The following PCDHA12 variants were observed in gnomAD, a reference collection of about 807,000 sequenced individuals.
PCDHA12 encodes protocadherin alpha-12.
Under a neutral mutation model 60.0 loss-of-function variants are expected in PCDHA12, and 44 were observed. The observed-to-expected ratio is 0.73, with a 90% CI of 0.58 to 0.94. PCDHA12 has a LOEUF of 0.94. Among genes scored for constraint, PCDHA12 ranks in the 40% least tolerant of loss-of-function variants. The probability of loss-of-function intolerance (pLI) is 0.00; values close to 1 mark genes in which losing one functional copy is unlikely to be tolerated. For missense variants in PCDHA12, 1,276 were observed against 1,239.7 expected (o/e 1.03, Z -0.44); for synonymous variants, 569 against 553.0 (o/e 1.03, Z -0.40).
At chr5:140,999,051 C>T (rs972072595) in intron 3 of PCDHA12, among the ~76,000 whole-genome samples, 6 of 152,196 alleles carry the variant, frequency 3.9e-5, no homozygotes, top group African/African-American at 9.7e-5. Flanking sequence ...TGCTTTCCAC[C>T]ATGCCTAAGT....
At position 140,959,344 on chromosome 5, in the gene PCDHA12, C is replaced by T. The variant is rs541663379; in HGVS notation, c.2368-19605C>T. Among the ~76,000 whole-genome samples the T allele has an allele frequency of 2.0e-4, 30 of 152,112 alleles. No individual in the cohort carries two copies. The South Asian group carries it at 6.0e-3, about 31-fold the overall frequency. On this transcript the variant is annotated intron_variant, in intron 1 of 3. Coordinates refer to ENST00000398631, the MANE Select transcript of PCDHA12 (RefSeq NM_018903.4). Reference sequence around the variant, plus strand: ...AAGTTTTGATTATGCTACTGCACTCCAGCGGGACAACTGAGTGAGACCCTG... The same window carrying T: ...AAGTTTTGATTATGCTACTGCACTCTAGCGGGACAACTGAGTGAGACCCTG...
At chr5:141,005,985 T>C (rs2098249971) in intron 3 of PCDHA12, among the ~76,000 whole-genome samples, 1 of 151,848 alleles carries the variant, frequency 6.6e-6, no homozygotes, top group Non-Finnish European at 1.5e-5. Context: ...AAAGAGTGTT[T>C]GAGGATCTGA....
rs782112072 is a variant in PCDHA12, at chr5:140,877,719, T to G, written c.2247T>G (p.Ser749=). 2 of 1,614,102 alleles carry G rather than the reference T, an allele frequency of 1.2e-6. No individual in the cohort carries two copies. Among genetic ancestry groups the G allele is most frequent in the South Asian group, 1.1e-5 (1 of 91,084 alleles). Residue 749 remains serine, a synonymous_variant, in exon 1 of 4, where the codon TCT becomes TCG. Transcript: ENST00000398631. ...GCTCCAGCGCCGTGGGGAGTTGGTC[T>G]TACTCGCAGCAGAGGAGGCAGAGGG... The part of the protein sequence containing the change: ...LVCSSAVGSW[S]YSQQRRQRVC...
At chr5:140,879,743 C>A (rs553188333) in intron 1 of PCDHA12, among the ~76,000 whole-genome samples, 2 of 152,274 alleles carry the variant, frequency 1.3e-5, no homozygotes, top group South Asian at 2.1e-4. Context: ...AAGGTGTTGT[C>A]AAGGCTATAC....
In PCDHA12 at chr5:140,882,919, A is replaced by G. The variant is rs781879301; in HGVS notation, c.2367+5080A>G. 7.4e-6 allele frequency: 12 copies of G among 1,614,104 alleles called. No homozygotes were observed. In the East Asian group the frequency reaches 2.7e-4, roughly 36 times the overall value. The stretch of plus-strand genomic sequence containing the variant: ...GTTTATTACTGACAGCCAGTGATGG[A>G]GGTAAACCCGAGCTGACTGGCACAG... On this transcript the variant is annotated intron_variant, in intron 1 of 3. Coordinates refer to ENST00000398631, the MANE Select transcript of PCDHA12 (RefSeq NM_018903.4).
Position 140,877,824 on chromosome 5 carries a change from A to G in PCDHA12, c.2352A>G (p.Leu784=), listed in dbSNP as rs1554170141. The change falls in exon 1 of 4, where the codon TTA becomes TTG. Residue 784 remains leucine (L), a synonymous_variant. Transcript: ENST00000398631. ...PSLQLSREDC[L]NPPSEPRQPN... ...TTCAGCTGTCTCGAGAAGATTGTTT[A>G]AATCCTCCCAGTGAAGTAAGTTATT... is the stretch of plus-strand genomic sequence containing the variant. 3 of 1,602,118 alleles carry G rather than the reference A, an allele frequency of 1.9e-6. No homozygotes were observed. The highest frequency in any genetic ancestry group is 2.6e-6 in the Non-Finnish European group (3 of 1,175,652).
intron 1 of PCDHA12, among the ~76,000 whole-genome samples, chr5:140,916,170 G>A (rs782402888): frequency 1.5e-4 from 23 of 152,106 alleles, no homozygotes; most frequent in Non-Finnish European, 2.9e-4. Flanking sequence ...TGCCAGGCCT[G>A]GGACTCTTCA....
At chr5:140,956,666 G>C (rs1232573740) in intron 1 of PCDHA12, among the ~76,000 whole-genome samples, 2 of 152,088 alleles carry the variant, frequency 1.3e-5, no homozygotes, top group African/African-American at 4.8e-5. Context: ...GGCCTTAAAG[G>C]AGTTAGGGAG....
rs190155701 is a variant in PCDHA12, at chr5:140,878,924, A to G, written c.2367+1085A>G. Among the ~76,000 whole-genome samples, 11 of 152,344 alleles carry G rather than the reference A, an allele frequency of 7.2e-5. No homozygotes were observed. The East Asian group carries it at 2.1e-3, about 29-fold the overall frequency. ...GCTCCACCACTCCCAGCTTCAATCA[A>G]TAATTTTAAATAAATATATGGTATT... On this transcript the variant is annotated intron_variant, in intron 1 of 3. Transcript: ENST00000398631.
At chr5:140,965,039 C>G (rs1237802301) in intron 1 of PCDHA12, among the ~76,000 whole-genome samples, 6 of 152,236 alleles carry the variant, frequency 3.9e-5, no homozygotes, top group African/African-American at 1.2e-4. Context: ...ACTGTCCGCT[C>G]TAGGAGGGAA....
At chr5:140,927,564 GGACACAAAT>G in intron 1 of PCDHA12, 1 of 1,614,150 alleles carries the variant, frequency 6.2e-7, no homozygotes, top group Admixed American at 1.7e-5. Context: ...TCATTGTGGT[GGACACAAAT>G]GACAACGCGC....
At chr5:140,908,933 C>T (rs1554193565) in intron 1 of PCDHA12, among the ~76,000 whole-genome samples, 1 of 152,186 alleles carries the variant, frequency 6.6e-6, no homozygotes, top group East Asian at 1.9e-4. Context: ...AATGCAGCAA[C>T]TTATCCTTCA....
chr5:140,987,008 G>T (rs958548514), intron 3 of PCDHA12, among the ~76,000 whole-genome samples: 1 of 152,142 alleles, frequency 6.6e-6, no homozygotes, highest in Non-Finnish European at 1.5e-5. Context: ...GAGGTCATGA[G>T]TTCGAGACCA....
chr5:140,968,080 G>A (rs782815703), intron 1 of PCDHA12: 14 of 1,614,102 alleles, frequency 8.7e-6, no homozygotes, highest in Middle Eastern at 1.7e-4. Context: ...ACAACATCAC[G>A]GTGACAGCCA....
At chr5:140,986,861 C>T (rs1007036038) in intron 3 of PCDHA12, among the ~76,000 whole-genome samples, 12 of 152,086 alleles carry the variant, frequency 7.9e-5, no homozygotes, top group Non-Finnish European at 1.0e-4. Flanking sequence ...CAACAATACC[C>T]GGAAACTTGT....
In PCDHA12 at chr5:141,010,121, T is replaced by C; in HGVS notation, c.*184T>C. The C allele has an allele frequency of 1.2e-6, 2 of 1,606,996 alleles. No homozygotes were observed. The highest frequency in any genetic ancestry group is 1.7e-6 in the Non-Finnish European group (2 of 1,176,140). On this transcript the variant is annotated 3_prime_UTR_variant, in exon 4 of 4. Transcript: ENST00000398631. ...ACAGGTTTTGTCGTAAAAGCTTTAC[T>C]AAGTCTGGTGTTAACTCTTTCTCTC... is the stretch of plus-strand genomic sequence containing the variant.
chr5:140,924,436 A>T (rs2153572390), intron 1 of PCDHA12, among the ~76,000 whole-genome samples: 1 of 152,318 alleles, frequency 6.6e-6, no homozygotes, highest in East Asian at 1.9e-4. Context: ...CCTAGAAGAG[A>T]TAACGAATGG....
chr5:140,895,257 T>A (rs1180344268), intron 1 of PCDHA12, among the ~76,000 whole-genome samples: 8 of 152,212 alleles, frequency 5.3e-5, no homozygotes, highest in Non-Finnish European at 8.8e-5. Context: ...AGCTTTCTTT[T>A]TTTTCTTACT....
intron 1 of PCDHA12, among the ~76,000 whole-genome samples, chr5:140,971,680 A>C (rs185214999): frequency 1.1e-4 from 17 of 152,268 alleles, no homozygotes; most frequent in African/African-American, 4.1e-4. Context: ...AGAGTAAGGG[A>C]ATTTGTACTC....
Sources: allele counts gnomAD v4.1 joint callset (sites outside exome capture counted in the v4.1 genomes callset), GRCh38; gene constraint gnomAD v4.1.1; transcripts MANE v1.5; gene names NCBI Gene and HGNC (gene_info 2026-07-23, HGNC 2026-07-21).